NPHP1: variants seen among roughly 807,000 people sequenced by gnomAD.
NPHP1 encodes the protein nephrocystin-1.
Under a neutral mutation model 90.4 loss-of-function variants are expected in NPHP1, and 70 were observed. The observed-to-expected ratio is 0.77, with a 90% confidence interval of 0.64 to 0.95. The LOEUF (loss-of-function observed/expected upper bound fraction) is 0.95, where lower values mean the gene tolerates loss of function less well. NPHP1 is among the 40% of genes least tolerant of loss of function. NPHP1 has a pLI of 0.00. For missense variants in NPHP1, 764 were observed against 795.9 expected (o/e 0.96, Z 0.48); for synonymous variants, 256 against 271.7 (o/e 0.94, Z 0.57).
chr2:110,161,477 C>G, intron 10 of NPHP1, 126 bp downstream of exon 10: 2 of 664,782 alleles, frequency 3.0e-6, no homozygotes, highest in Non-Finnish European at 5.3e-6. Context: ...TCGCTATTTT[C>G]AAAATTATCA....
chr2:110,140,674 C>A (rs1300211591), intron 16 of NPHP1, among the ~76,000 whole-genome samples: 1 of 151,986 alleles, frequency 6.6e-6, no homozygotes, highest in Non-Finnish European at 1.5e-5. Context: ...TGAGGCCAAA[C>A]AAGATTTGGG....
chr2:110,192,462 G>A (rs1684824594), intron 2 of NPHP1, among the ~76,000 whole-genome samples: 2 of 152,082 alleles, frequency 1.3e-5, no homozygotes, highest in African/African-American at 4.8e-5. Flanking sequence ...AGAGAAAAAA[G>A]AATAAAAAGA....
At chr2:110,204,756 G>T (rs1685819991) in intron 1 of NPHP1, 144 bp downstream of exon 1, 10 of 787,618 alleles carry the variant, frequency 1.3e-5, no homozygotes, top group Non-Finnish European at 2.0e-5. Flanking sequence ...ATGTTATGGG[G>T]TAAGGGGGCG....
At chr2:110,124,282 C>T (rs1467527353) in intron 19 of NPHP1, 1 of 610,078 alleles carries the variant, frequency 1.6e-6, no homozygotes, top group Admixed American at 2.5e-5. Context: ...TCCCTGAGAG[C>T]CTCTACGTGG....
At chr2:110,194,427 G>C (rs182916832) in intron 2 of NPHP1, among the ~76,000 whole-genome samples, 1 of 152,004 alleles carries the variant, frequency 6.6e-6, no homozygotes, top group African/African-American at 2.4e-5. Context: ...TAAATTCCTC[G>C]ACAAATACAC....
intron 4 of NPHP1, among the ~76,000 whole-genome samples, chr2:110,173,730 G>A (rs1212516800): frequency 6.6e-6 from 1 of 152,066 alleles, no homozygotes; most frequent in Non-Finnish European, 1.5e-5. Flanking sequence ...TACATTCTAT[G>A]ATGTTTGTAC....
At chr2:110,196,344 G>A (rs1574204700) in intron 2 of NPHP1, among the ~76,000 whole-genome samples, 3 of 152,234 alleles carry the variant, frequency 2.0e-5, no homozygotes, top group Admixed American at 2.0e-4. Context: ...AGTGGGCAAA[G>A]GATATGAACA....
chr2:110,200,016 G>C (rs1685456010), intron 2 of NPHP1, among the ~76,000 whole-genome samples: 1 of 152,164 alleles, frequency 6.6e-6, no homozygotes, highest in South Asian at 2.1e-4. Flanking sequence ...CCAGCACTTT[G>C]GGAGGCCAAA....
intron 1 of NPHP1, 118 bp downstream of exon 1, chr2:110,204,782 G>A (rs1685821598): frequency 2.0e-6 from 2 of 1,000,276 alleles, no homozygotes; most frequent in African/African-American, 1.6e-5. Context: ...ACCTGGGAAG[G>A]TAAGTAGGTT....
intron 1 of NPHP1, among the ~76,000 whole-genome samples, chr2:110,203,995 C>T (rs949388907): frequency 1.3e-5 from 2 of 152,080 alleles, no homozygotes; most frequent in African/African-American, 4.8e-5. Context: ...AGCATCCTGT[C>T]ACACAGAAAT....
chr2:110,199,226 A>G (rs911500064), intron 2 of NPHP1, among the ~76,000 whole-genome samples: 1 of 151,994 alleles, frequency 6.6e-6, no homozygotes, highest in African/African-American at 2.4e-5. Context: ...TGAAGTCGGG[A>G]GTTTGAGAGC....
chr2:110,177,766 A>G (rs1683606788), intron 4 of NPHP1, among the ~76,000 whole-genome samples: 1 of 151,310 alleles, frequency 6.6e-6, no homozygotes, highest in African/African-American at 2.4e-5. Context: ...TTTAATAGAG[A>G]CAGTGTCTCA....
chr2:110,169,502 T>C (rs1682958732), intron 5 of NPHP1, among the ~76,000 whole-genome samples: 1 of 152,104 alleles, frequency 6.6e-6, no homozygotes, highest in Non-Finnish European at 1.5e-5. Flanking sequence ...CCTCCACCTA[T>C]GGACATTGCC....
chr2:110,184,871 G>C, intron 2 of NPHP1: 1 of 698,344 alleles, frequency 1.4e-6, no homozygotes, highest in Admixed American at 1.8e-5. Flanking sequence ...CTTCAGGCCA[G>C]ACTTGATCAG....
chr2:110,188,517 CA>C (rs1014450782), intron 2 of NPHP1, among the ~76,000 whole-genome samples: 1 of 151,914 alleles, frequency 6.6e-6, no homozygotes, highest in African/African-American at 2.4e-5. Flanking sequence ...AGAGGTGACA[CA>C]AAAAAATGGA....
chr2:110,158,968 A>AT (rs1682110327), intron 11 of NPHP1, among the ~76,000 whole-genome samples: 3 of 151,966 alleles, frequency 2.0e-5, no homozygotes, highest in Admixed American at 2.0e-4. Flanking sequence ...TTTGTAGATA[A>AT]TTTTTTAAAA....
At chr2:110,156,012 A>C (rs542422529) in intron 11 of NPHP1, among the ~76,000 whole-genome samples, 1 of 151,670 alleles carries the variant, frequency 6.6e-6, no homozygotes, top group Non-Finnish European at 1.5e-5. Context: ...AACTCCCTCA[A>C]TTCTCACATG....
At chr2:110,185,154 C>A in intron 2 of NPHP1, 1 of 570,098 alleles carries the variant, frequency 1.8e-6, no homozygotes. Context: ...AAGACGGTGC[C>A]TGATCTATCC....
intron 4 of NPHP1, among the ~76,000 whole-genome samples, chr2:110,177,393 T>C (rs1428816481): frequency 6.6e-6 from 1 of 152,132 alleles, no homozygotes; most frequent in African/African-American, 2.4e-5. Context: ...CTGATTTTTT[T>C]CTTTTGCTTC....
Sources: allele counts gnomAD v4.1 joint callset (sites outside exome capture counted in the v4.1 genomes callset), GRCh38; gene constraint gnomAD v4.1.1; transcripts MANE v1.5; gene names NCBI Gene and HGNC (gene_info 2026-07-23, HGNC 2026-07-21).